The following ZAN variants were observed in gnomAD, a reference collection of about 807,000 sequenced individuals.
ZAN encodes zonadhesin (gene/pseudogene).
In ZAN, 260 loss-of-function variants were observed where a neutral mutation model predicts 286.2. The ratio of observed to expected loss-of-function variants is 0.91; its 90% CI spans 0.82 to 1.01. The LOEUF is 1.01. ZAN is among the 50% of genes least tolerant of loss of function. The pLI is 0.00. For synonymous variants in ZAN, 1,368 were observed against 1,417.5 expected, an observed-to-expected ratio of 0.97 and a Z score of 0.79; for missense variants, 3,410 against 3,639.2, an observed-to-expected ratio of 0.94 and a Z score of 1.62.
At chr7:100,788,415 G>A (rs1288033459) in intron 38 of ZAN, among the ~76,000 whole-genome samples, 1 of 151,868 alleles carries the variant, frequency 6.6e-6, no homozygotes, top group Non-Finnish European at 1.5e-5. Flanking sequence ...AGCTGGATAT[G>A]GGGGCGCACA....
At chr7:100,768,434 T>G (rs1361098865) in intron 26 of ZAN, among the ~76,000 whole-genome samples, 176 bp from the exon 27 acceptor site, 1 of 152,122 alleles carries the variant, frequency 6.6e-6, no homozygotes, top group East Asian at 1.9e-4. Flanking sequence ...ATCGCGCCAC[T>G]GCACTCCAGC....
At position 100,793,960 on chromosome 7, in the gene ZAN, G is replaced by A. The variant is rs763080756; in HGVS notation, c.7928G>A (p.Trp2643Ter). 46 of 1,613,572 alleles carry A rather than the reference G, an allele frequency of 2.9e-5. No individual in the cohort carries two copies. The highest frequency in any genetic ancestry group is 1.6e-4 in the Middle Eastern group (1 of 6,084). Residue 2643 changes from tryptophan to a stop codon, truncating the protein, a stop_gained, in exon 43 of 48, where the codon TGG (tryptophan) becomes TAG (stop). Coordinates refer to ENST00000613979, the MANE Select transcript of ZAN (RefSeq NM_003386.3). LOFTEE classifies it high-confidence loss of function. ...LRQHPRLCLQ[W>*]HPEPPLADCG... ...CAGCATCCCAGGCTATGCCTACAGTGGCACCCAGAGCCTCCCCTGGCTGAC... is the reference window on the plus strand; with the variant it reads ...CAGCATCCCAGGCTATGCCTACAGTAGCACCCAGAGCCTCCCCTGGCTGAC...
intron 42 of ZAN, among the ~76,000 whole-genome samples, chr7:100,793,329 T>A (rs1442747163): frequency 6.6e-6 from 1 of 151,214 alleles, no homozygotes. Context: ...GGCAACAGAG[T>A]GACTCCATCT....
At position 100,775,836 on chromosome 7, in the gene ZAN, G is replaced by A. The variant is rs752792611; in HGVS notation, c.6192+3G>A. On this transcript the variant is annotated splice_donor_region_variant and intron_variant, in intron 33 of 47. Transcript: ENST00000613979. ...TCCCCACAACCTACTATGGAAAGGT[G>A]AGGAAAACATCTGGCTCTTCTCGCT... is the stretch of plus-strand genomic sequence containing the variant. 7.7e-5 allele frequency: 125 copies of A among 1,613,338 alleles called. No homozygotes were observed. The highest frequency in any genetic ancestry group is 1.0e-4 in the Non-Finnish European group (118 of 1,179,732).
At chr7:100,780,916 C>T (rs191000653) in intron 35 of ZAN, among the ~76,000 whole-genome samples, 1 of 151,598 alleles carries the variant, frequency 6.6e-6, no homozygotes, top group African/African-American at 2.4e-5. Flanking sequence ...ATAATGAGAC[C>T]CCCGCATCGC....
intron 11 of ZAN, among the ~76,000 whole-genome samples, chr7:100,749,721 C>T (rs200070847): frequency 0.011 from 1,560 of 142,106 alleles, 37 homozygotes; most frequent in African/African-American, 0.037. Flanking sequence ...TACACACACA[C>T]ACATATATAT....
rs1562961609 is a variant in ZAN at position 100,795,475 on chromosome 7, C to T, written c.8266+139C>T. 7 of 875,672 alleles carry T rather than the reference C, an allele frequency of 8.0e-6. No individual in the cohort carries two copies. The East Asian group carries it at 1.2e-4, about 15-fold the overall frequency. The allele number at this position is 875,672 out of a possible 1,614,324, so 54.2% of individuals were successfully genotyped here. A position where few individuals can be genotyped will look rare whatever the true frequency, so the allele number is the denominator to read the frequency against. On this transcript the variant is annotated intron_variant, in intron 45 of 47. Transcript: ENST00000613979. ...TGTTACAGATATTATATATTATAAA[C>T]ATAACAATTTGTAGCTATAATGGAT... is the stretch of plus-strand genomic sequence containing the variant.
intron 25 of ZAN, among the ~76,000 whole-genome samples, 190 bp from the exon 26 acceptor site, chr7:100,767,641 A>AT (rs915065390): frequency 4.4e-5 from 6 of 137,182 alleles, no homozygotes; most frequent in Admixed American, 2.2e-4. Context: ...TGCACGGCTA[A>AT]TTTTTTTTTT....
Position 100,734,238 on chromosome 7 carries a change from G to A in ZAN, c.53+17G>A, listed in dbSNP as rs1292780877. On this transcript the variant is annotated intron_variant, in intron 2 of 47. Transcript: ENST00000613979. ...CCTTTTCAGGTAAGCTGGGCCCAGGGGGTAATGATAAACCAGGGTCAGCTG... is the reference window on the plus strand; with the variant it reads ...CCTTTTCAGGTAAGCTGGGCCCAGGAGGTAATGATAAACCAGGGTCAGCTG... The A allele has an allele frequency of 4.9e-6, 7 of 1,421,344 alleles. 1 individual carries two copies. The Admixed American group carries it at 1.3e-4, about 27-fold the overall frequency. The allele number at this position is 1,421,344 out of a possible 1,614,324, so 88.0% of individuals were successfully genotyped here.
chr7:100,758,211 G>A lies in ZAN; in HGVS notation c.3319G>A (p.Glu1107Lys), dbSNP rs221819. ...YNNDYYEPGA[E>K]WFSPNCTEHC... ...CATCCCTTTCTCCCAGCCTGGGGCA[G>A]AGTGGTTCAGCCCCAACTGCACAGA... The change falls in exon 16 of 48, where the codon GAG (glutamate) becomes AAG (lysine). Residue 1107 changes from glutamate to lysine, a missense_variant. By Grantham distance (56) the Glu-to-Lys change is moderately conservative. Transcript: ENST00000613979. The A allele has an allele frequency of 6.2e-7, 1 of 1,612,930 alleles. No individual in the cohort carries two copies. The highest frequency in any genetic ancestry group is 1.3e-5 in the African/African-American group (1 of 75,060).
rs746534132 is a variant in ZAN, at chr7:100,752,496, C to T, written c.2391C>T (p.Ser797=). ...TTCCCACAGAAAAACCCACCATCTC[C>T]ACAGAAGAGCCCACCACCCCCACTG... The part of the protein sequence containing the change: ...PTIPTEKPTI[S]TEEPTTPTEE... Residue 797 remains serine, a synonymous_variant, in exon 14 of 48, where the codon TCC becomes TCT. Coordinates refer to ENST00000613979, the MANE Select transcript of ZAN (RefSeq NM_003386.3). The T allele has an allele frequency of 3.1e-6, 5 of 1,611,934 alleles. No individual in the cohort carries two copies. The highest frequency in any genetic ancestry group is 3.4e-6 in the Non-Finnish European group (4 of 1,179,314).
rs3215394 is a variant in ZAN, at chr7:100,763,957, TG to T, written c.4097+43del. 0.3 allele frequency: 486,764 copies of T among 1,613,332 alleles called. 75,378 individuals are homozygous for T. Among genetic ancestry groups the T allele is most frequent in the South Asian group, 0.44 (40,288 of 91,064 alleles). On this transcript the variant is annotated intron_variant, in intron 21 of 47. Coordinates refer to ENST00000613979, the MANE Select transcript of ZAN (RefSeq NM_003386.3). The surrounding 1 kb of genome is among the most constrained non-coding windows in gnomAD (Gnocchi z 4.6). ...GGCAGGGTCGCACAGGGGCGATGCT[TG>T]GCACCTGGGCTCCTCCAAGGCTCTA...
chr7:100,756,159 T>C (rs1809130398), intron 15 of ZAN, among the ~76,000 whole-genome samples: 1 of 152,206 alleles, frequency 6.6e-6, no homozygotes, highest in African/African-American at 2.4e-5. Flanking sequence ...TTCTACCTCA[T>C]ATAAGATTAT....
chr7:100,794,670 C>T (rs1355742604), intron 44 of ZAN, among the ~76,000 whole-genome samples: 2 of 151,836 alleles, frequency 1.3e-5, no homozygotes, highest in Admixed American at 6.6e-5. Flanking sequence ...ATCGTCTCTA[C>T]TAAAAATTAA....
At position 100,766,591 on chromosome 7, in the gene ZAN, C is replaced by T. The variant is rs1353358307; in HGVS notation, c.4537C>T (p.Arg1513Cys). 14 of 1,553,344 alleles carry T rather than the reference C, an allele frequency of 9.0e-6. No individual in the cohort carries two copies. The highest frequency in any genetic ancestry group is 1.2e-5 in the Non-Finnish European group (14 of 1,147,996). ...LCVCESNNRIRCQPWRCRAQE... is the reference protein window; with the variant it reads ...LCVCESNNRICCQPWRCRAQE... ...CGTCTGTGAAAGCAACAACAGAATT[C>T]GCTGCCAGCCCTGGAGGTGTAGGGC... Residue 1513 changes from arginine to cysteine, a missense_variant, in exon 24 of 48, where the codon CGC becomes TGC. By Grantham distance (180) the Arg-to-Cys change is radical. Around this residue, in one of 7 missense-constraint regions of ZAN, gnomAD observed 1,042 missense variants for 1,058.0 expected, o/e 0.98. Coordinates refer to ENST00000613979, the MANE Select transcript of ZAN (RefSeq NM_003386.3).
chr7:100,764,511 TA>T (rs1055602368), intron 22 of ZAN, among the ~76,000 whole-genome samples: 1 of 120,412 alleles, frequency 8.3e-6, no homozygotes. Flanking sequence ...TAAAATAAAA[TA>T]AATAAATAAA....
chr7:100,746,448 G>C (rs1808223443), intron 7 of ZAN, 90 bp from the exon 8 acceptor site: 1 of 1,493,184 alleles, frequency 6.7e-7, no homozygotes, highest in South Asian at 1.3e-5. Flanking sequence ...GATCCCCAGA[G>C]ACAAGTCCAC....
At position 100,784,739 on chromosome 7, in the gene ZAN, G is replaced by T. The variant is rs1337932620; in HGVS notation, c.6739G>T (p.Gly2247Cys). 3 of 1,613,848 alleles carry T rather than the reference G, an allele frequency of 1.9e-6. No homozygotes were observed. Among genetic ancestry groups the T allele is most frequent in the Non-Finnish European group, 2.5e-6 (3 of 1,179,914 alleles). The stretch of plus-strand genomic sequence containing the variant: ...CAAAGTCCCCTCTGCCTGCGCTGAG[G>T]GCTGCATTTGTCAGCCCGGCTATGT... ...GAKVPSACAE[G>C]CICQPGYVLS... Residue 2247 changes from glycine to cysteine, a missense_variant, in exon 36 of 48, where the codon GGC (glycine) becomes TGC (cysteine). Coordinates refer to ENST00000613979, the MANE Select transcript of ZAN (RefSeq NM_003386.3).
chr7:100,780,086 G>A (rs972777683), intron 35 of ZAN, among the ~76,000 whole-genome samples: 3 of 151,992 alleles, frequency 2.0e-5, no homozygotes, highest in East Asian at 2.0e-4. Flanking sequence ...CCAGCTACTC[G>A]GGAGGCTGAG....
Sources: gnomAD v4.1 joint callset for allele counts (sites outside exome capture counted in the v4.1 genomes callset) on GRCh38, gnomAD v4.1.1 for gene constraint, gnomAD v4.1.1 regional missense constraint, Gnocchi (gnomAD v3.1) non-coding constraint, MANE v1.5 for transcripts, NCBI Gene and HGNC (gene_info 2026-07-23, HGNC 2026-07-21) for gene names.